ZC3H14: variants seen among roughly 807,000 people sequenced by gnomAD.
The protein encoded by ZC3H14 is zinc finger CCCH-type containing 14.
Under a neutral mutation model 92.4 loss-of-function variants are expected in ZC3H14, and 31 were observed. The observed-to-expected ratio is 0.34, with a 90% CI of 0.25 to 0.45. ZC3H14 has a LOEUF of 0.45. ZC3H14 is among the 20% of genes least tolerant of loss of function. The pLI, the probability that ZC3H14 is intolerant of heterozygous loss-of-function variation, is 1.00. For missense variants in ZC3H14, 781 were observed against 897.3 expected (o/e 0.87, Z 1.66); for synonymous variants, 321 against 300.9 (o/e 1.07, Z -0.69).
chr14:88,606,496 G>A (rs12890095), intron 12 of ZC3H14, among the ~76,000 whole-genome samples: 15,281 of 152,134 alleles, frequency 0.1, 856 homozygotes, highest in Non-Finnish European at 0.12. Flanking sequence ...CTGGCTGAGC[G>A]CGGTGGCTCA....
intron 11 of ZC3H14, 59 bp from the exon 12 acceptor site, chr14:88,602,769 G>T (rs192638660): frequency 1.3e-6 from 2 of 1,561,050 alleles, no homozygotes; most frequent in African/African-American, 1.4e-5. Context: ...GCACTTTAGG[G>T]GGCTCAGCGT....
rs2087696017 is a variant in ZC3H14, at chr14:88,616,817, C to CAGAA, written c.*5068_*5069insAAAG. On this transcript the variant is annotated 3_prime_UTR_variant, in exon 17 of 17. Transcript: ENST00000251038. ...GATTCCTGAATGAGATACACAGGCA[C>CAGAA]AGTTGACATCAGCTTTCTCAGCATG... 6.2e-7 allele frequency: 1 copy of CAGAA among 1,613,782 alleles called. No homozygotes were observed. The highest frequency in any genetic ancestry group is 1.3e-5 in the African/African-American group (1 of 74,910).
At position 88,602,576 on chromosome 14, in the gene ZC3H14, C is replaced by T. The variant is rs146774680; in HGVS notation, c.1515-252C>T. On this transcript the variant is annotated intron_variant, in intron 11 of 16. Transcript: ENST00000251038. ...ATGAAGATCGAATGGGTGATGGGGTCAGGCTTGAGGGGAGATTGTCCTTAG... is the reference window on the plus strand; with the variant it reads ...ATGAAGATCGAATGGGTGATGGGGTTAGGCTTGAGGGGAGATTGTCCTTAG... 2.0e-5 allele frequency among the ~76,000 whole-genome samples: 3 copies of T among 152,248 alleles called. No homozygotes were observed. The East Asian group carries it at 5.8e-4, about 29-fold the overall frequency.
intron 12 of ZC3H14, among the ~76,000 whole-genome samples, chr14:88,606,586 G>A (rs543590548): frequency 2.3e-3 from 347 of 151,966 alleles, no homozygotes; most frequent in Middle Eastern, 0.014. Context: ...CCTGGGCAAC[G>A]TGGGGAAACC....
rs2086959707 is a variant in ZC3H14, at chr14:88,612,669, A to C, written c.*918A>C. On this transcript the variant is annotated 3_prime_UTR_variant, in exon 17 of 17. Transcript: ENST00000251038. Reference sequence around the variant, plus strand: ...CTGAAGATAATTTTTGAAATGTAAAAATTAGATTTAAATAGTATATTTTAA... The same window carrying C: ...CTGAAGATAATTTTTGAAATGTAAACATTAGATTTAAATAGTATATTTTAA... The C allele has an allele frequency of 2.0e-5, 3 of 152,734 alleles. No individual in the cohort carries two copies. The South Asian group carries it at 6.2e-4, about 32-fold the overall frequency. The allele number at this position is 152,734 out of a possible 1,614,324, so 9.5% of individuals were successfully genotyped here.
intron 9 of ZC3H14, chr14:88,590,633 G>A (rs1170066637): frequency 6.6e-6 from 1 of 152,204 alleles, no homozygotes; most frequent in Non-Finnish European, 1.5e-5. Context: ...TGTTTTTGTA[G>A]TTTAGGTATT....
At position 88,618,660 on chromosome 14, in the gene ZC3H14, C is replaced by T. The variant is rs980790950; in HGVS notation, c.*6909C>T. The stretch of plus-strand genomic sequence containing the variant: ...GTATTGGTACTGTACCTGGAGATAA[C>T]TGCTATCTGCAGAGAAGTCCATTTG... On this transcript the variant is annotated 3_prime_UTR_variant, in exon 17 of 17. Transcript: ENST00000251038. 1.2e-6 allele frequency: 2 copies of T among 1,612,616 alleles called. No homozygotes were observed. The highest frequency in any genetic ancestry group is 1.7e-6 in the Non-Finnish European group (2 of 1,179,430).
In ZC3H14 at chr14:88,625,922, CAGGATATTAA is replaced by C. The variant is rs1400725602; in HGVS notation, c.*14176_*14185del. 6.6e-6 allele frequency: 1 copy of C among 152,038 alleles called. No individual in the cohort carries two copies. The allele number at this position is 152,038 out of a possible 1,614,324, so 9.4% of individuals were successfully genotyped here. A position where few individuals can be genotyped will look rare whatever the true frequency, so the allele number is the denominator to read the frequency against. On this transcript the variant is annotated 3_prime_UTR_variant, in exon 17 of 17. Coordinates refer to ENST00000251038, the MANE Select transcript of ZC3H14 (RefSeq NM_024824.5). ...AAGGATTTATACAGCCTAGCCAATGCAGGATATTAAAGGAAAGAGATGTGGATTGGAAGCC... is the reference window on the plus strand; with the variant it reads ...AAGGATTTATACAGCCTAGCCAATGCAGGAAAGAGATGTGGATTGGAAGCC...
At chr14:88,593,569 G>A (rs1381872694) in intron 9 of ZC3H14, among the ~76,000 whole-genome samples, 3 of 152,150 alleles carry the variant, frequency 2.0e-5, no homozygotes, top group Non-Finnish European at 4.4e-5. Flanking sequence ...AGAAATAAAT[G>A]CATACTTTCA....
intron 10 of ZC3H14, among the ~76,000 whole-genome samples, chr14:88,601,333 A>C (rs990382993): frequency 6.6e-6 from 1 of 152,192 alleles, no homozygotes; most frequent in Non-Finnish European, 1.5e-5. Flanking sequence ...ATATTTTATA[A>C]AATAGTAGAT....
At chr14:88,595,734 T>C (rs2083728002) in intron 9 of ZC3H14, among the ~76,000 whole-genome samples, 1 of 152,250 alleles carries the variant, frequency 6.6e-6, no homozygotes, top group African/African-American at 2.4e-5. Context: ...TAATGAAATG[T>C]GGTGCTTGGT....
rs1023134196 is a variant in ZC3H14 at position 88,624,452 on chromosome 14, T to C, written c.*12701T>C. On this transcript the variant is annotated 3_prime_UTR_variant, in exon 17 of 17. Coordinates refer to ENST00000251038, the MANE Select transcript of ZC3H14 (RefSeq NM_024824.5). ...TAAGTATCTGGTTACTGTTGGGAGA[T>C]TTGAAAATCACTCAGAAGAGACCTC... is the stretch of plus-strand genomic sequence containing the variant. 6.5e-6 allele frequency: 1 copy of C among 152,910 alleles called. No homozygotes were observed. The highest frequency in any genetic ancestry group is 1.9e-4 in the East Asian group (1 of 5,200). The allele number at this position is 152,910 out of a possible 1,614,324, so 9.5% of individuals were successfully genotyped here. A position where few individuals can be genotyped will look rare whatever the true frequency, so the allele number is the denominator to read the frequency against.
intron 9 of ZC3H14, among the ~76,000 whole-genome samples, chr14:88,578,918 C>G (rs1160020857): frequency 1.3e-5 from 2 of 151,468 alleles, no homozygotes; most frequent in East Asian, 3.9e-4. Context: ...CCTCATTACC[C>G]AGAACTAACG....
chr14:88,563,578 A>C, intron 1 of ZC3H14, 73 bp from the exon 2 acceptor site: 1 of 1,595,744 alleles, frequency 6.3e-7, no homozygotes, highest in Non-Finnish European at 8.6e-7. Flanking sequence ...AAGTGGCCTC[A>C]GCCGCTGCAG....
chr14:88,580,525 A>C (rs1004556711), intron 9 of ZC3H14, among the ~76,000 whole-genome samples: 1 of 128,406 alleles, frequency 7.8e-6, no homozygotes, highest in Non-Finnish European at 1.6e-5. Flanking sequence ...GAAATTGAAG[A>C]TAAAAGACAA....
In ZC3H14 at chr14:88,615,567, G is replaced by T; in HGVS notation, c.*3816G>T. 4.7e-6 allele frequency: 2 copies of T among 429,986 alleles called. No homozygotes were observed. The highest frequency in any genetic ancestry group is 8.2e-6 in the Non-Finnish European group (2 of 244,070). 26.6% of individuals were successfully genotyped at this position (429,986 alleles called of 1,614,324 possible). ...CACACTTCCCAATACAGGGGGACTT[G>T]GCCTTTACCATCAAGTATTCGATCC... On this transcript the variant is annotated 3_prime_UTR_variant, in exon 17 of 17. Coordinates refer to ENST00000251038, the MANE Select transcript of ZC3H14 (RefSeq NM_024824.5).
At position 88,616,996 on chromosome 14, in the gene ZC3H14, G is replaced by A; in HGVS notation, c.*5245G>A. On this transcript the variant is annotated 3_prime_UTR_variant, in exon 17 of 17. Transcript: ENST00000251038. Reference sequence around the variant, plus strand: ...CCCTATCATGTTACTTAAAATACAGGAAGTAAATTATGGTAAGTTGTTTGG... The same window carrying A: ...CCCTATCATGTTACTTAAAATACAGAAAGTAAATTATGGTAAGTTGTTTGG... The A allele has an allele frequency of 1.1e-6, 1 of 911,144 alleles. No homozygotes were observed. The highest frequency in any genetic ancestry group is 1.6e-6 in the Non-Finnish European group (1 of 617,268). The allele number at this position is 911,144 out of a possible 1,614,324, so 56.4% of individuals were successfully genotyped here.
chr14:88,603,122 C>G, intron 12 of ZC3H14, 62 bp downstream of exon 12: 1 of 1,503,792 alleles, frequency 6.6e-7, no homozygotes, highest in Non-Finnish European at 9.2e-7. Context: ...TGACTTGTTT[C>G]TCTACCTTGA....
chr14:88,563,162 A>G lies in ZC3H14; in HGVS notation c.29A>G (p.Lys10Arg). The change falls in exon 1 of 17, where the codon AAG becomes AGG. Residue 10 changes from lysine (K) to arginine (R), a missense_variant. Lys to Arg is a conservative substitution (Grantham distance 26). Transcript: ENST00000251038. MEIGTEISRKIRSAIKGKLQ... is the reference protein window; with the variant it reads MEIGTEISRRIRSAIKGKLQ... ...GAGATCGGCACCGAGATCAGCCGCA[A>G]GATCCGGGTGAGGCCCGTGCCGGTC... 6.2e-7 allele frequency: 1 copy of G among 1,604,264 alleles called. No individual in the cohort carries two copies. Among genetic ancestry groups the G allele is most frequent in the East Asian group, 2.2e-5 (1 of 44,492 alleles).
Sources: gnomAD v4.1 joint callset for allele counts (sites outside exome capture counted in the v4.1 genomes callset) on GRCh38, gnomAD v4.1.1 for gene constraint, MANE v1.5 for transcripts, NCBI Gene and HGNC (gene_info 2026-07-23, HGNC 2026-07-21) for gene names.